Variants in PREX2 observed in about 807,000 individuals in gnomAD.
The protein encoded by PREX2 is phosphatidylinositol-3,4,5-trisphosphate dependent Rac exchange factor 2, also known as phosphatidylinositol 3,4,5-trisphosphate-dependent Rac exchanger 2 protein.
Under a neutral mutation model 203.2 loss-of-function variants are expected in PREX2, and 107 were observed. The observed-to-expected ratio is 0.53, with a 90% CI of 0.45 to 0.62. The LOEUF (loss-of-function observed/expected upper bound fraction) is 0.62, where lower values mean the gene tolerates loss of function less well. Among genes scored for constraint, PREX2 ranks in the 20% least tolerant of loss-of-function variants. The probability of loss-of-function intolerance (pLI) is 0.00; values close to 1 mark genes in which losing one functional copy is unlikely to be tolerated. For missense variants in PREX2, 1,777 were observed against 1,955.9 expected, an observed-to-expected ratio of 0.91 and a Z score of 1.72; for synonymous variants, 672 against 663.6, an observed-to-expected ratio of 1.01 and a Z score of -0.19.
intron 37 of PREX2, among the ~76,000 whole-genome samples, chr8:68,194,231 G>T (rs989153306): frequency 1.3e-5 from 2 of 152,094 alleles, no homozygotes; most frequent in Admixed American, 6.5e-5. Flanking sequence ...TAGTTGCTGG[G>T]GATACAGCAT....
intron 25 of PREX2, among the ~76,000 whole-genome samples, chr8:68,114,051 G>A (rs1393012088): frequency 2.0e-5 from 3 of 151,988 alleles, no homozygotes; most frequent in East Asian, 1.9e-4. Context: ...TAGTAGAGAC[G>A]GGATTTCACC....
chr8:68,229,399 A>G (rs934956485), intron 39 of PREX2, among the ~76,000 whole-genome samples: 3 of 152,234 alleles, frequency 2.0e-5, no homozygotes, highest in Admixed American at 2.0e-4. Flanking sequence ...GCTTCAGTGC[A>G]GGATGAGAGT....
At chr8:68,218,366 A>C (rs528574011) in intron 38 of PREX2, among the ~76,000 whole-genome samples, 25 of 152,334 alleles carry the variant, frequency 1.6e-4, no homozygotes, top group African/African-American at 5.8e-4. Flanking sequence ...AGTTATTTTA[A>C]AAAATGCACT....
chr8:68,053,393 A>G, intron 9 of PREX2, 147 bp downstream of exon 9: 1 of 771,040 alleles, frequency 1.3e-6, no homozygotes. Context: ...CAGTTTTGAC[A>G]TTGAAAGCAA....
At chr8:68,020,311 C>A (rs1363188427) in intron 3 of PREX2, among the ~76,000 whole-genome samples, 2 of 112,844 alleles carry the variant, frequency 1.8e-5, no homozygotes, top group African/African-American at 3.5e-5. Context: ...AAATTGTTTT[C>A]AGAACTAAAG....
chr8:68,194,627 CT>C (rs1563582249), intron 37 of PREX2, among the ~76,000 whole-genome samples: 2 of 125,140 alleles, frequency 1.6e-5, no homozygotes, highest in Non-Finnish European at 3.5e-5. Context: ...CTCATCTCTA[CT>C]AAAAAAAAAA....
intron 20 of PREX2, among the ~76,000 whole-genome samples, chr8:68,091,032 G>T (rs569115376): frequency 1.3e-5 from 2 of 152,188 alleles, no homozygotes; most frequent in African/African-American, 4.8e-5. Context: ...CCTTGTGATT[G>T]CTTTAGAATA....
chr8:67,969,743 A>T (rs1211354364), intron 1 of PREX2, among the ~76,000 whole-genome samples: 1 of 152,200 alleles, frequency 6.6e-6, no homozygotes, highest in Non-Finnish European at 1.5e-5. Flanking sequence ...ACCCTCAGGA[A>T]AAACTTGAAA....
In PREX2 at chr8:68,108,607, G is replaced by A. The variant is rs150023690; in HGVS notation, c.2938+276G>A. 2.3e-4 allele frequency among the ~76,000 whole-genome samples: 35 copies of A among 152,314 alleles called. No homozygotes were observed. In the East Asian group the frequency reaches 6.0e-3, roughly 26 times the overall value. ...AGGCACAGCTCATCTTGCTGTGAAA[G>A]CTGCTGATCTGAAATGGCCCTGAAA... On this transcript the variant is annotated intron_variant, in intron 24 of 39. Transcript: ENST00000288368.
At chr8:68,175,541 T>C (rs1223986618) in intron 35 of PREX2, among the ~76,000 whole-genome samples, 3 of 152,128 alleles carry the variant, frequency 2.0e-5, no homozygotes, top group Non-Finnish European at 4.4e-5. Flanking sequence ...CCTAAGTAGA[T>C]ACAAATGGAG....
chr8:68,050,594 A>C (rs1024492692), intron 8 of PREX2, among the ~76,000 whole-genome samples: 2 of 152,184 alleles, frequency 1.3e-5, no homozygotes, highest in African/African-American at 4.8e-5. Flanking sequence ...AGGAACACAG[A>C]CCCAAACCAT....
chr8:68,127,753 T>C (rs1810923948), intron 31 of PREX2, among the ~76,000 whole-genome samples: 1 of 152,092 alleles, frequency 6.6e-6, no homozygotes, highest in Admixed American at 6.6e-5. Context: ...CTAAATTTTG[T>C]TTATGAGCAA....
At chr8:68,157,807 C>T (rs1811570194) in intron 35 of PREX2, among the ~76,000 whole-genome samples, 1 of 151,946 alleles carries the variant, frequency 6.6e-6, no homozygotes, top group South Asian at 2.1e-4. Context: ...CACCAAATAG[C>T]TGGCACCCCC....
At chr8:67,952,721 T>C in intron 1 of PREX2, 186 bp downstream of exon 1, 1 of 782,442 alleles carries the variant, frequency 1.3e-6, no homozygotes, top group Non-Finnish European at 2.1e-6. Context: ...GGGGATTTGT[T>C]GGTGCCCCGA....
rs140360930 is a variant in PREX2 at position 68,083,924 on chromosome 8, T to A, written c.2027+536T>A. On this transcript the variant is annotated intron_variant, in intron 18 of 39. Transcript: ENST00000288368. ...TGTTTATTATAGAAAATGTAGAGAA[T>A]ACAAATGTTTCTAAAGGGAGACTTT... Among the ~76,000 whole-genome samples, 1,030 of 152,304 alleles carry A rather than the reference T, an allele frequency of 6.8e-3. 11 individuals are homozygous for A. The highest frequency in any genetic ancestry group is 9.6e-3 in the Non-Finnish European group (652 of 67,996).
rs578064544 is a variant in PREX2 at position 68,129,270 on chromosome 8, G to A, written c.3766+1851G>A. Among the ~76,000 whole-genome samples, 123 of 152,260 alleles carry A rather than the reference G, an allele frequency of 8.1e-4. 1 individual carries two copies. Among genetic ancestry groups the A allele is most frequent in the African/African-American group, 2.8e-3 (115 of 41,556 alleles). ...CAAACTTAGGTTTGCCAATTCCGGA[G>A]GTGATTCTGGGATGCTTCGTTTTAT... is the stretch of plus-strand genomic sequence containing the variant. On this transcript the variant is annotated intron_variant, in intron 31 of 39. Transcript: ENST00000288368.
intron 19 of PREX2, 99 bp downstream of exon 19, chr8:68,087,908 TG>T (rs1809747699): frequency 1.2e-6 from 1 of 818,656 alleles, no homozygotes; most frequent in Admixed American, 1.7e-5. Flanking sequence ...CATGCTGTGA[TG>T]ATTCTCAATT....
intron 1 of PREX2, among the ~76,000 whole-genome samples, chr8:68,010,773 G>A (rs1215961933): frequency 6.6e-6 from 1 of 152,058 alleles, no homozygotes; most frequent in East Asian, 1.9e-4. Flanking sequence ...AGGTGTGTAG[G>A]GGAGGAAGGT....
chr8:67,961,241 T>C (rs1805625273), intron 1 of PREX2, among the ~76,000 whole-genome samples: 1 of 152,064 alleles, frequency 6.6e-6, no homozygotes, highest in South Asian at 2.1e-4. Context: ...TGGTTTGACC[T>C]AAAAATAATT....
Sources: allele counts gnomAD v4.1 joint callset (sites outside exome capture counted in the v4.1 genomes callset), GRCh38; gene constraint gnomAD v4.1.1; transcripts MANE v1.5; gene names NCBI Gene and HGNC (gene_info 2026-07-23, HGNC 2026-07-21).